Variants in ANAPC1 observed in about 807,000 individuals in gnomAD.
The protein encoded by ANAPC1 is anaphase-promoting complex subunit 1.
In ANAPC1, 36 loss-of-function variants were observed where a neutral mutation model predicts 208.0. That is an observed-to-expected ratio of 0.17 (90% CI 0.13 to 0.23). ANAPC1 has a LOEUF of 0.23. ANAPC1 is among the 10% of genes least tolerant of loss of function. ANAPC1 has a pLI of 1.00. For missense variants in ANAPC1, 942 were observed against 2,011.6 expected (o/e 0.47, Z 10.17); for synonymous variants, 378 against 695.2 (o/e 0.54, Z 7.18).
chr2:111,797,332 C>T (rs961120422), intron 34 of ANAPC1, among the ~76,000 whole-genome samples: 12 of 152,084 alleles, frequency 7.9e-5, no homozygotes, highest in African/African-American at 1.9e-4. Flanking sequence ...GAGTTTAGCA[C>T]GTGCCTTGCA....
chr2:111,796,849 CAGG>C (rs1482663856), intron 34 of ANAPC1, among the ~76,000 whole-genome samples: 1 of 128,872 alleles, frequency 7.8e-6, no homozygotes, highest in Admixed American at 8.0e-5. Context: ...AAATATCAAT[CAGG>C]AGAACTGTGA....
intron 3 of ANAPC1, 46 bp downstream of exon 3, chr2:111,878,764 A>G (rs753689864): frequency 1.3e-6 from 2 of 1,598,138 alleles, no homozygotes; most frequent in Non-Finnish European, 1.7e-6. Flanking sequence ...CTTTTTTTTA[A>G]TTGCATTAAA....
At chr2:111,823,896 G>A (rs1381540931) in intron 24 of ANAPC1, among the ~76,000 whole-genome samples, 1 of 147,256 alleles carries the variant, frequency 6.8e-6, no homozygotes, top group Non-Finnish European at 1.5e-5. Flanking sequence ...ATTTCTAGGG[G>A]TGGGTGACCA....
intron 21 of ANAPC1, among the ~76,000 whole-genome samples, chr2:111,828,285 T>C (rs930353642): frequency 2.6e-5 from 4 of 152,126 alleles, no homozygotes; most frequent in African/African-American, 7.2e-5. Context: ...AATAATAATA[T>C]GTGTTGGCAA....
intron 13 of ANAPC1, among the ~76,000 whole-genome samples, chr2:111,855,331 G>C (rs557873398): frequency 3.2e-4 from 49 of 152,246 alleles, no homozygotes; most frequent in African/African-American, 1.1e-3. Context: ...TTGAAATATT[G>C]CAAGAATTAT....
chr2:111,799,169 T>C (rs1456811379), intron 34 of ANAPC1, among the ~76,000 whole-genome samples: 3 of 151,904 alleles, frequency 2.0e-5, no homozygotes, highest in Non-Finnish European at 2.9e-5. Context: ...CAAAAAAAGA[T>C]AGATGGAGGA....
intron 43 of ANAPC1, among the ~76,000 whole-genome samples, 153 bp downstream of exon 43, chr2:111,782,212 ATTTT>A (rs1677322829): frequency 6.6e-6 from 1 of 150,682 alleles, no homozygotes; most frequent in Non-Finnish European, 1.5e-5. Context: ...TTTATTATTT[ATTTT>A]ATCACATAAA....
At chr2:111,835,955 C>A (rs202106533) in intron 18 of ANAPC1, among the ~76,000 whole-genome samples, 1 of 143,650 alleles carries the variant, frequency 7.0e-6, no homozygotes, top group Non-Finnish European at 1.5e-5. Flanking sequence ...TGGTCAAGAA[C>A]TCATGTCTAG....
chr2:111,871,372 G>A (rs1682736197), intron 6 of ANAPC1, among the ~76,000 whole-genome samples: 1 of 152,094 alleles, frequency 6.6e-6, no homozygotes, highest in South Asian at 2.1e-4. Context: ...GTGTTTTGTA[G>A]TTCTCCTTAT....
rs558844615 is a variant in ANAPC1 at position 111,851,087 on chromosome 2, C to G, written c.1516-177G>C. On this transcript the variant is annotated intron_variant, in intron 13 of 47. Transcript: ENST00000341068. ...TAATCTATCCAATTCCACTATCCAA[C>G]TGCAAATATGTTGGTATAATTTTTT... Among the ~76,000 whole-genome samples the G allele has an allele frequency of 2.0e-5, 3 of 152,108 alleles. No homozygotes were observed. In the South Asian group the frequency reaches 6.2e-4, roughly 32 times the overall value.
At chr2:111,828,044 A>T (rs1679932103) in intron 21 of ANAPC1, among the ~76,000 whole-genome samples, 1 of 152,170 alleles carries the variant, frequency 6.6e-6, no homozygotes, top group Non-Finnish European at 1.5e-5. Context: ...CAAATCATGT[A>T]TCTGACACAT....
chr2:111,862,218 T>C (rs1373787287), intron 10 of ANAPC1, among the ~76,000 whole-genome samples, 171 bp downstream of exon 10: 1 of 152,164 alleles, frequency 6.6e-6, no homozygotes. Flanking sequence ...ATCACTTTAA[T>C]ATCATTAATA....
intron 24 of ANAPC1, among the ~76,000 whole-genome samples, chr2:111,824,267 A>G (rs1403812676): frequency 6.8e-6 from 1 of 146,056 alleles, no homozygotes; most frequent in Non-Finnish European, 1.5e-5. Context: ...AACCTGTCAG[A>G]AACTTCATTT....
intron 3 of ANAPC1, among the ~76,000 whole-genome samples, chr2:111,876,144 C>G (rs1015883456): frequency 6.6e-6 from 1 of 152,054 alleles, no homozygotes; most frequent in African/African-American, 2.4e-5. Flanking sequence ...AATCTCAACA[C>G]TTTAGGAGGC....
rs1679511797 is a variant in ANAPC1 at position 111,821,177 on chromosome 2, T to C, written c.3206+62A>G. 10 of 1,586,372 alleles carry C rather than the reference T, an allele frequency of 6.3e-6. No homozygotes were observed. The South Asian group carries it at 1.0e-4, about 16-fold the overall frequency. On this transcript the variant is annotated intron_variant, in intron 26 of 47. Coordinates refer to ENST00000341068, the MANE Select transcript of ANAPC1 (RefSeq NM_022662.4). ...TAAAAACTTGAAGGAAAAACAAATA[T>C]ACACAAGACACAAATGTAACAATGA...
At chr2:111,824,264 CAG>C in intron 24 of ANAPC1, among the ~76,000 whole-genome samples, 1 of 133,658 alleles carries the variant, frequency 7.5e-6, no homozygotes, top group Non-Finnish European at 1.6e-5. Context: ...AAAAACCTGT[CAG>C]AAACTTCATT....
At chr2:111,862,951 A>C (rs1011823014) in intron 9 of ANAPC1, among the ~76,000 whole-genome samples, 4 of 152,134 alleles carry the variant, frequency 2.6e-5, no homozygotes, top group Non-Finnish European at 4.4e-5. Context: ...GTAGCACCAG[A>C]TATACATATC....
intron 22 of ANAPC1, 123 bp downstream of exon 22, chr2:111,825,654 G>C (rs1573401744): frequency 2.2e-6 from 2 of 920,674 alleles, no homozygotes; most frequent in East Asian, 5.3e-5. Context: ...CAACAGACCA[G>C]AACAGTACTA....
intron 9 of ANAPC1, 24 bp downstream of exon 9, chr2:111,863,651 A>G (rs1238905954): frequency 6.9e-6 from 11 of 1,596,590 alleles, no homozygotes; most frequent in South Asian, 1.1e-5. Flanking sequence ...AAGCTTAGAA[A>G]GAAAAACCAG....
Sources: gnomAD v4.1 joint callset for allele counts (sites outside exome capture counted in the v4.1 genomes callset) on GRCh38, gnomAD v4.1.1 for gene constraint, MANE v1.5 for transcripts, NCBI Gene and HGNC (gene_info 2026-07-23, HGNC 2026-07-21) for gene names.